The following SNX29 variants were observed in gnomAD, a reference collection of about 807,000 sequenced individuals.
SNX29 encodes sorting nexin 29.
Under a neutral mutation model 102.1 loss-of-function variants are expected in SNX29, and 78 were observed. The observed-to-expected ratio is 0.76, with a 90% CI of 0.64 to 0.92. The LOEUF (loss-of-function observed/expected upper bound fraction) is 0.92, where lower values mean the gene tolerates loss of function less well. Ranked by LOEUF, SNX29 falls within the 40% of genes least tolerant of loss-of-function variation. The pLI, the probability that SNX29 is intolerant of heterozygous loss-of-function variation, is 0.00. For missense variants in SNX29, 1,280 were observed against 1,061.7 expected (o/e 1.21, Z -2.86); for synonymous variants, 580 against 414.5 (o/e 1.40, Z -4.85).
chr16:12,483,114 G>GTTTTTTTTTTTTTTTTTTTTTTTTT lies in SNX29; in HGVS notation c.2178+5260_2178+5284dup, dbSNP rs574090459. Reference sequence around the variant, plus strand: ...AATAGATACATATTGAAGTTATTAAGTTTTTTTTTTTTTTTTTTTTTTTTT... The same window carrying GTTTTTTTTTTTTTTTTTTTTTTTTT: ...AATAGATACATATTGAAGTTATTAAGTTTTTTTTTTTTTTTTTTTTTTTTTTTTTTTTTTTTTTTTTTTTTTTTTT... On this transcript the variant is annotated intron_variant, in intron 19 of 20. Coordinates refer to ENST00000566228, the MANE Select transcript of SNX29 (RefSeq NM_032167.5). 4.1e-4 allele frequency among the ~76,000 whole-genome samples: 27 copies of GTTTTTTTTTTTTTTTTTTTTTTTTT among 66,214 alleles called. 5 individuals carry two copies. Among genetic ancestry groups the GTTTTTTTTTTTTTTTTTTTTTTTTT allele is most frequent in the Non-Finnish European group, 4.2e-4 (15 of 35,982 alleles). 43.4% of individuals were successfully genotyped at this position (66,214 alleles called of 152,430 possible). A position where few individuals can be genotyped will look rare whatever the true frequency, so the allele number is the denominator to read the frequency against.
rs1209748667 is a variant in SNX29 at position 12,356,545 on chromosome 16, C to A, written c.1899+266C>A. Among the ~76,000 whole-genome samples the A allele has an allele frequency of 9.8e-5, 15 of 152,342 alleles. No homozygotes were observed. The South Asian group carries it at 3.1e-3, about 32-fold the overall frequency. ...CATATAGTCCCCTCCCCCCGCAAAC[C>A]CATCTTTCCATACTTTACTACATGG... On this transcript the variant is annotated intron_variant, in intron 16 of 20. Coordinates refer to ENST00000566228, the MANE Select transcript of SNX29 (RefSeq NM_032167.5).
chr16:12,522,741 C>G (rs574648940), intron 19 of SNX29, among the ~76,000 whole-genome samples: 2 of 152,314 alleles, frequency 1.3e-5, no homozygotes, highest in South Asian at 4.1e-4. Context: ...CCTGTACAGC[C>G]TGCGAAACCA....
chr16:12,268,022 G>A lies in SNX29; in HGVS notation c.1679-9911G>A, dbSNP rs116865347. ...CCCGCCCCAGGCCCTTTGCATTTGCGGTTCCCGGGAACGTTCTCTGCAGGG... is the reference window on the plus strand; with the variant it reads ...CCCGCCCCAGGCCCTTTGCATTTGCAGTTCCCGGGAACGTTCTCTGCAGGG... On this transcript the variant is annotated intron_variant, in intron 14 of 20. Coordinates refer to ENST00000566228, the MANE Select transcript of SNX29 (RefSeq NM_032167.5). 2.5e-3 allele frequency among the ~76,000 whole-genome samples: 382 copies of A among 152,260 alleles called. 2 individuals carry two copies. The highest frequency in any genetic ancestry group is 0.01 in the Middle Eastern group (3 of 294).
At chr16:12,155,516 G>A (rs183420241) in intron 13 of SNX29, among the ~76,000 whole-genome samples, 1 of 152,234 alleles carries the variant, frequency 6.6e-6, no homozygotes, top group Non-Finnish European at 1.5e-5. Context: ...GTTACAGGCC[G>A]TTTTCTCAGG....
At chr16:12,173,484 G>A (rs1438714376) in intron 13 of SNX29, among the ~76,000 whole-genome samples, 1 of 152,172 alleles carries the variant, frequency 6.6e-6, no homozygotes, top group South Asian at 2.1e-4. Context: ...GTGGGCTCTA[G>A]TTTTTGACCC....
intron 14 of SNX29, among the ~76,000 whole-genome samples, chr16:12,273,819 G>C (rs1596714607): frequency 6.6e-6 from 1 of 152,178 alleles, no homozygotes; most frequent in African/African-American, 2.4e-5. Context: ...GACATTTCGT[G>C]TACGTGGGCT....
At chr16:12,318,354 C>T (rs935091632) in intron 15 of SNX29, among the ~76,000 whole-genome samples, 3 of 152,180 alleles carry the variant, frequency 2.0e-5, no homozygotes, top group Non-Finnish European at 4.4e-5. Flanking sequence ...GGGTATTTTG[C>T]CTTCTTGCTG....
intron 19 of SNX29, among the ~76,000 whole-genome samples, chr16:12,516,482 A>AG (rs2089871558): frequency 6.0e-5 from 1 of 16,658 alleles, no homozygotes; most frequent in Non-Finnish European, 1.6e-4. Flanking sequence ...CCCGTCTCAG[A>AG]AAAAAAAAAA....
At position 12,571,008 on chromosome 16, in the gene SNX29, C is replaced by T. The variant is rs745774855; in HGVS notation, c.*2379C>T. ...CATGATCATGCACAGACCGTAGAGT[C>T]GAGTCATCTCGCAGATCCAGACCAT... On this transcript the variant is annotated 3_prime_UTR_variant, in exon 21 of 21. Transcript: ENST00000566228. 2.2e-5 allele frequency: 5 copies of T among 232,464 alleles called. No individual in the cohort carries two copies. The highest frequency in any genetic ancestry group is 1.8e-4 in the South Asian group (1 of 5,532). 14.4% of individuals were successfully genotyped at this position (232,464 alleles called of 1,614,324 possible).
At chr16:12,530,409 T>C (rs1422621970) in intron 20 of SNX29, among the ~76,000 whole-genome samples, 1 of 152,012 alleles carries the variant, frequency 6.6e-6, no homozygotes, top group Non-Finnish European at 1.5e-5. Context: ...AGAAAGAAGA[T>C]GAGGAAGTAA....
At chr16:12,043,238 TG>T (rs931477471) in intron 5 of SNX29, among the ~76,000 whole-genome samples, 161 bp downstream of exon 5, 56 of 152,174 alleles carry the variant, frequency 3.7e-4, no homozygotes, top group African/African-American at 1.3e-3. Flanking sequence ...TGGAGAAACT[TG>T]GGGGAGAATC....
At chr16:12,259,772 C>T (rs528417650) in intron 14 of SNX29, among the ~76,000 whole-genome samples, 20 of 152,314 alleles carry the variant, frequency 1.3e-4, no homozygotes, top group East Asian at 5.8e-4. Flanking sequence ...CCGAGACCCA[C>T]GAATCTGCAT....
At chr16:12,028,404 C>G (rs141537485) in intron 4 of SNX29, among the ~76,000 whole-genome samples, 27 of 152,160 alleles carry the variant, frequency 1.8e-4, no homozygotes, top group Middle Eastern at 3.4e-3. Flanking sequence ...TGCTCTGTTG[C>G]CCAGGCTGAA....
At chr16:12,533,653 C>A (rs1035998749) in intron 20 of SNX29, among the ~76,000 whole-genome samples, 1 of 152,214 alleles carries the variant, frequency 6.6e-6, no homozygotes, top group Admixed American at 6.5e-5. Flanking sequence ...GTTCTGTGAT[C>A]TTCCAGCATC....
At position 12,473,539 on chromosome 16, in the gene SNX29, A is replaced by G. The variant is rs531741727; in HGVS notation, c.2038-4180A>G. On this transcript the variant is annotated intron_variant, in intron 18 of 20. Coordinates refer to ENST00000566228, the MANE Select transcript of SNX29 (RefSeq NM_032167.5). ...TGCAGCAGAGCAGCCTGCTGTTGTC[A>G]GAGGTGTTTGAACCAGAGCAACTCC... 2.0e-5 allele frequency among the ~76,000 whole-genome samples: 3 copies of G among 152,324 alleles called. No individual in the cohort carries two copies. The East Asian group carries it at 5.8e-4, about 29-fold the overall frequency.
At chr16:12,101,080 A>T (rs756849722) in intron 11 of SNX29, among the ~76,000 whole-genome samples, 5 of 152,096 alleles carry the variant, frequency 3.3e-5, no homozygotes, top group Non-Finnish European at 7.3e-5. Flanking sequence ...TTCAGCTGTT[A>T]CTTCATTGGA....
chr16:12,228,456 C>T (rs2077679298), intron 14 of SNX29, among the ~76,000 whole-genome samples: 1 of 152,250 alleles, frequency 6.6e-6, no homozygotes. Context: ...CAGCAGCATC[C>T]TGCTCTCTCT....
intron 18 of SNX29, among the ~76,000 whole-genome samples, chr16:12,423,375 G>A (rs1345785425): frequency 2.0e-5 from 3 of 152,086 alleles, no homozygotes; most frequent in Non-Finnish European, 4.4e-5. Context: ...TCGGGCATGA[G>A]CAATGGCATC....
intron 4 of SNX29, among the ~76,000 whole-genome samples, chr16:12,034,439 A>C (rs2057419419): frequency 6.6e-6 from 1 of 151,610 alleles, no homozygotes; most frequent in Admixed American, 6.6e-5. Context: ...ATTCAAGGTG[A>C]AAAAAGTGGT....
Sources: allele counts gnomAD v4.1 joint callset (sites outside exome capture counted in the v4.1 genomes callset), GRCh38; gene constraint gnomAD v4.1.1; transcripts MANE v1.5; gene names NCBI Gene and HGNC (gene_info 2026-07-23, HGNC 2026-07-21).